The following TRMT44 variants were observed in gnomAD, a reference collection of about 807,000 sequenced individuals.
TRMT44 encodes tRNA methyltransferase 44 homolog.
A neutral mutation model predicts 77.3 loss-of-function variants in TRMT44; 78 were observed. That is an observed-to-expected ratio of 1.01 (90% CI 0.84 to 1.22). TRMT44 has a LOEUF of 1.22. TRMT44 is among the 50% of genes most tolerant of loss of function. The probability of loss-of-function intolerance (pLI) is 0.00; values close to 1 mark genes in which losing one functional copy is unlikely to be tolerated. For synonymous variants in TRMT44, 391 were observed against 383.3 expected (o/e 1.02, Z -0.23); for missense variants, 1,090 against 964.4 (o/e 1.13, Z -1.73).
At chr4:8,485,667 T>A (rs1175621493) in intron 2 of TRMT44, among the ~76,000 whole-genome samples, 2 of 151,848 alleles carry the variant, frequency 1.3e-5, no homozygotes, top group South Asian at 2.1e-4. Context: ...AGGCTTTGGG[T>A]TGGGGAGAAG....
intron 6 of TRMT44, among the ~76,000 whole-genome samples, chr4:8,457,296 T>A (rs1443851817): frequency 1.3e-5 from 2 of 152,148 alleles, no homozygotes; most frequent in East Asian, 3.9e-4. Flanking sequence ...AAACACCAGC[T>A]GCCAGTCACT....
chr4:8,441,136 G>C lies in TRMT44; in HGVS notation c.314G>C (p.Gly105Ala). Reference protein sequence around the residue: ...TACCELEEAQGQCQQEEAQRE... With the variant: ...TACCELEEAQAQCQQEEAQRE... ...TGTTGCGAACTTGAGGAGGCCCAGG[G>C]CCAGTGCCAGCAAGAGGAGGCACAG... Residue 105 changes from glycine (G) to alanine (A), a missense_variant, in exon 1 of 11, where the codon GGC becomes GCC. Transcript: ENST00000389737. 6.6e-7 allele frequency: 1 copy of C among 1,522,880 alleles called. No individual in the cohort carries two copies. Among genetic ancestry groups the C allele is most frequent in the Non-Finnish European group, 8.8e-7 (1 of 1,137,894 alleles). 94.3% of individuals were successfully genotyped at this position (1,522,880 alleles called of 1,614,324 possible). A position where few individuals can be genotyped will look rare whatever the true frequency, so the allele number is the denominator to read the frequency against.
rs536878985 is a variant in TRMT44 at position 8,448,984 on chromosome 4, C to G, written c.735-685C>G. ...AGCAAACTTAATGCCCTCCCCTTCC[C>G]TGTGCTGCCCCAAACGCAGCCCTTG... On this transcript the variant is annotated intron_variant, in intron 2 of 10. Coordinates refer to ENST00000389737, the MANE Select transcript of TRMT44 (RefSeq NM_152544.3). Among the ~76,000 whole-genome samples, 32 of 152,358 alleles carry G rather than the reference C, an allele frequency of 2.1e-4. 1 individual carries two copies. In the South Asian group the frequency reaches 3.7e-3, roughly 18 times the overall value.
chr4:8,508,868 C>T, the TRMT44 span: 1 of 153,414 alleles, frequency 6.5e-6, no homozygotes, highest in Non-Finnish European at 1.5e-5. Flanking sequence ...GGCTGCCTTC[C>T]TCCTCCTCCT....
In TRMT44 at chr4:8,454,811, G is replaced by A; in HGVS notation, c.1201G>A (p.Glu401Lys). Residue 401 changes from glutamate to lysine, a missense_variant and splice_region_variant, in exon 6 of 11, where the codon GAG becomes AAG. By Grantham distance (56) the Glu-to-Lys change is moderately conservative. Transcript: ENST00000389737. ...WDMYGPQTQL[E>K]EDAITPNDKT... ...CATGTATGGACCACAAACTCAGTTAGAGGTACCGTCTTTATTACGCATGCC... is the reference window on the plus strand; with the variant it reads ...CATGTATGGACCACAAACTCAGTTAAAGGTACCGTCTTTATTACGCATGCC... 6.2e-7 allele frequency: 1 copy of A among 1,614,194 alleles called. No homozygotes were observed. The highest frequency in any genetic ancestry group is 8.5e-7 in the Non-Finnish European group (1 of 1,180,004).
chr4:8,491,692 C>T (rs895083618), intron 2 of TRMT44, among the ~76,000 whole-genome samples: 1 of 152,240 alleles, frequency 6.6e-6, no homozygotes, highest in African/African-American at 2.4e-5. Context: ...CAGGGCTGGC[C>T]GGCTGCTCCG....
At chr4:8,457,833 C>T (rs908486175) in intron 6 of TRMT44, among the ~76,000 whole-genome samples, 26 of 152,176 alleles carry the variant, frequency 1.7e-4, no homozygotes, top group Non-Finnish European at 4.4e-5. Flanking sequence ...AGTGTCATGC[C>T]TGACTTCACA....
intron 1 of TRMT44, among the ~76,000 whole-genome samples, chr4:8,442,462 G>A (rs904496636): frequency 2.0e-5 from 3 of 152,208 alleles, no homozygotes; most frequent in African/African-American, 4.8e-5. Context: ...CATGTGTTTC[G>A]TATTGCCACT....
chr4:8,504,819 G>A, the TRMT44 span, among the ~76,000 whole-genome samples: 16 of 152,192 alleles, frequency 1.1e-4, no homozygotes, highest in Admixed American at 7.2e-4. This position sits in a 1 kb window ranked among gnomAD's most constrained non-coding sequence, Gnocchi z 5.3. Context: ...TGCCAGCCCC[G>A]TCTGCCTCAC....
rs533265307 is a variant in TRMT44, at chr4:8,449,344, G to A, written c.735-325G>A. On this transcript the variant is annotated intron_variant, in intron 2 of 10. Transcript: ENST00000389737. ...TGTGAAAATGGTAAAGAATAGAAAT[G>A]TTAGGAAAATCCTTGGACGCTTAGA... Among the ~76,000 whole-genome samples, 5 of 152,248 alleles carry A rather than the reference G, an allele frequency of 3.3e-5. No homozygotes were observed. In the South Asian group the frequency reaches 8.3e-4, roughly 25 times the overall value.
chr4:8,445,073 A>T (rs574188357), intron 1 of TRMT44, among the ~76,000 whole-genome samples: 1 of 152,220 alleles, frequency 6.6e-6, no homozygotes, highest in Admixed American at 6.5e-5. Flanking sequence ...CCAGCCACAC[A>T]TGCCAGTGAC....
At chr4:8,457,899 A>C (rs192776547) in intron 6 of TRMT44, among the ~76,000 whole-genome samples, 10 of 152,362 alleles carry the variant, frequency 6.6e-5, no homozygotes, top group African/African-American at 2.4e-4. Context: ...GATATAGCAA[A>C]CAAAGGCAGG....
chr4:8,454,189 C>T (rs1725639283), intron 5 of TRMT44, among the ~76,000 whole-genome samples: 1 of 152,180 alleles, frequency 6.6e-6, no homozygotes, highest in South Asian at 2.1e-4. Flanking sequence ...AGGTGTGCTC[C>T]CTGGGGCACT....
chr4:8,442,323 A>C (rs976151061), intron 1 of TRMT44, among the ~76,000 whole-genome samples: 7 of 152,200 alleles, frequency 4.6e-5, no homozygotes, highest in Non-Finnish European at 1.0e-4. Flanking sequence ...ACTGTGAAAG[A>C]GCATAGAGAC....
chr4:8,467,124 A>T (rs1192349430), intron 8 of TRMT44, among the ~76,000 whole-genome samples: 1 of 152,192 alleles, frequency 6.6e-6, no homozygotes, highest in African/African-American at 2.4e-5. Context: ...GCACGCATGG[A>T]GCACCTCTAT....
rs778056581 is a variant in TRMT44 at position 8,468,109 on chromosome 4, G to T, written c.1690G>T (p.Val564Phe). The T allele has an allele frequency of 3.1e-6, 5 of 1,613,842 alleles. No individual in the cohort carries two copies. The highest frequency in any genetic ancestry group is 1.3e-5 in the African/African-American group (1 of 74,938). Residue 564 changes from valine (V) to phenylalanine (F), a missense_variant, in exon 9 of 11, where the codon GTC becomes TTC. Val to Phe is a conservative substitution (Grantham distance 50). Transcript: ENST00000389737. ...CGGTCAGCAAGCTCTGGACGCCAGG[G>T]TCGGGTGTGTAACCAGGGCCTGGGC... ...CDGQQALDAR[V>F]GCVTRAWAAE...
At chr4:8,454,035 G>T (rs1725631809) in intron 5 of TRMT44, among the ~76,000 whole-genome samples, 1 of 152,188 alleles carries the variant, frequency 6.6e-6, no homozygotes, top group Non-Finnish European at 1.5e-5. Flanking sequence ...CCTGGAGACA[G>T]CTGGGAGGTG....
chr4:8,497,307 T>C (rs1189850574), downstream of TRMT44, among the ~76,000 whole-genome samples: 3 of 152,240 alleles, frequency 2.0e-5, no homozygotes, highest in African/African-American at 4.8e-5. Context: ...CTATGCACTA[T>C]ATGATTAACT....
In TRMT44 at chr4:8,451,854, G is replaced by A. The variant is rs948368711; in HGVS notation, c.955-106G>A. 128 of 972,792 alleles carry A rather than the reference G, an allele frequency of 1.3e-4. No individual in the cohort carries two copies. Among genetic ancestry groups the A allele is most frequent in the Non-Finnish European group, 1.9e-4 (119 of 639,602 alleles). 60.3% of individuals were successfully genotyped at this position (972,792 alleles called of 1,614,324 possible). A position where few individuals can be genotyped will look rare whatever the true frequency, so the allele number is the denominator to read the frequency against. The stretch of plus-strand genomic sequence containing the variant: ...TTGAGCTTATGTTTCCTATTTTAGT[G>A]TACGATTAGTCCAGTTTGATTTATG... On this transcript the variant is annotated intron_variant, in intron 3 of 10. Transcript: ENST00000389737. This position sits in a 1 kb window ranked among gnomAD's most constrained non-coding sequence, Gnocchi z 4.1.
Sources: gnomAD v4.1 joint callset for allele counts (sites outside exome capture counted in the v4.1 genomes callset) on GRCh38, gnomAD v4.1.1 for gene constraint, Gnocchi (gnomAD v3.1) non-coding constraint, MANE v1.5 for transcripts, NCBI Gene and HGNC (gene_info 2026-07-23, HGNC 2026-07-21) for gene names.